The following NID1 variants were observed in gnomAD, a reference collection of about 807,000 sequenced individuals.
The protein encoded by NID1 is nidogen 1, also known as nidogen-1.
In NID1, 76 loss-of-function variants were observed where a neutral mutation model predicts 130.6. That is an observed-to-expected ratio of 0.58 (90% CI 0.48 to 0.70). The LOEUF (loss-of-function observed/expected upper bound fraction) is 0.70, where lower values mean the gene tolerates loss of function less well. Among genes scored for constraint, NID1 ranks in the 30% least tolerant of loss-of-function variants. The pLI is 0.00. For synonymous variants in NID1, 665 were observed against 675.1 expected (o/e 0.98, Z 0.23); for missense variants, 1,517 against 1,664.8 (o/e 0.91, Z 1.54).
At chr1:236,037,143 G>A (rs1443813831) in intron 5 of NID1, among the ~76,000 whole-genome samples, 1 of 152,200 alleles carries the variant, frequency 6.6e-6, no homozygotes, top group African/African-American at 2.4e-5. Context: ...CCTTTTGAGG[G>A]CAGAGTTTAG....
At chr1:236,064,764 G>C (rs753974827) in intron 1 of NID1, 91 bp downstream of exon 1, 43 of 1,269,072 alleles carry the variant, frequency 3.4e-5, no homozygotes, top group Non-Finnish European at 4.2e-5. Context: ...CCGGGTCCCC[G>C]CCTGCTACGC....
intron 5 of NID1, among the ~76,000 whole-genome samples, chr1:236,034,723 T>C (rs941978609): frequency 1.3e-5 from 2 of 152,142 alleles, no homozygotes; most frequent in African/African-American, 4.8e-5. Context: ...ATAGAGGTAA[T>C]AGTTGGACAA....
At chr1:236,007,969 A>C (rs1658296894) in intron 12 of NID1, among the ~76,000 whole-genome samples, 1 of 152,150 alleles carries the variant, frequency 6.6e-6, no homozygotes, top group African/African-American at 2.4e-5. Context: ...AACAGATTTT[A>C]CTCAGCATCC....
Position 236,015,555 on chromosome 1 carries a change from G to A in NID1, c.2254+1593C>T, listed in dbSNP as rs541280684. Among the ~76,000 whole-genome samples the A allele has an allele frequency of 6.7e-5, 10 of 149,196 alleles. 1 individual carries two copies. In the East Asian group the frequency reaches 2.0e-3, roughly 29 times the overall value. On this transcript the variant is annotated intron_variant, in intron 10 of 19. Transcript: ENST00000264187. ...CCAGCTACTTGGGAGACTGAGGCAGGAGAATCTCTTGAACCCAGGAGGCAG... is the reference window on the plus strand; with the variant it reads ...CCAGCTACTTGGGAGACTGAGGCAGAAGAATCTCTTGAACCCAGGAGGCAG...
At chr1:236,037,527 G>A (rs996870635) in intron 5 of NID1, among the ~76,000 whole-genome samples, 4 of 152,004 alleles carry the variant, frequency 2.6e-5, no homozygotes, top group Admixed American at 6.6e-5. Flanking sequence ...GTTTGGTGGC[G>A]CACATCTGTA....
At chr1:236,037,954 A>G in intron 5 of NID1, 150 bp downstream of exon 5, 1 of 903,928 alleles carries the variant, frequency 1.1e-6, no homozygotes, top group Non-Finnish European at 1.6e-6. Flanking sequence ...TACGAGAAAA[A>G]ATGAGGAAAG....
At chr1:236,013,659 C>T in intron 10 of NID1, 99 bp from the exon 11 acceptor site, 1 of 1,363,934 alleles carries the variant, frequency 7.3e-7, no homozygotes, top group Non-Finnish European at 1.0e-6. Flanking sequence ...TGCCTGGACC[C>T]TAGACCTCTA....
rs1190006951 is a variant in NID1, at chr1:236,057,687, G to GA, written c.225+7167dup. Among the ~76,000 whole-genome samples, 3 of 148,788 alleles carry GA rather than the reference G, an allele frequency of 2.0e-5. No individual in the cohort carries two copies. The East Asian group carries it at 5.9e-4, about 29-fold the overall frequency. On this transcript the variant is annotated intron_variant, in intron 1 of 19. Coordinates refer to ENST00000264187, the MANE Select transcript of NID1 (RefSeq NM_002508.3). Reference sequence around the variant, plus strand: ...CACTCCAGCCTGGGCAACAGAGTAAGACTGAAAGAAAGAAGGAAAGAAAGA... The same window carrying GA: ...CACTCCAGCCTGGGCAACAGAGTAAGAACTGAAAGAAAGAAGGAAAGAAAGA...
intron 5 of NID1, among the ~76,000 whole-genome samples, chr1:236,034,968 G>GTT (rs1433268048): frequency 8.2e-6 from 1 of 122,636 alleles, no homozygotes; most frequent in African/African-American, 4.6e-5. Flanking sequence ...TCTCGGCAGA[G>GTT]TTTTCTTTTT....
chr1:236,020,890 T>C (rs1478283001), intron 9 of NID1, among the ~76,000 whole-genome samples: 1 of 152,154 alleles, frequency 6.6e-6, no homozygotes, highest in African/African-American at 2.4e-5. Flanking sequence ...ACCACCTGTC[T>C]TTCTGGACAA....
chr1:236,043,785 A>G (rs970863600), intron 3 of NID1, among the ~76,000 whole-genome samples: 2 of 152,074 alleles, frequency 1.3e-5, no homozygotes, highest in Non-Finnish European at 2.9e-5. Flanking sequence ...GCGACAGAGC[A>G]AGACTCCATC....
intron 12 of NID1, among the ~76,000 whole-genome samples, chr1:236,010,817 C>T (rs1048132622): frequency 6.6e-6 from 1 of 152,250 alleles, no homozygotes; most frequent in African/African-American, 2.4e-5. Flanking sequence ...ACGATATATG[C>T]TACTATACAT....
At chr1:236,050,916 A>G (rs576352033) in intron 1 of NID1, among the ~76,000 whole-genome samples, 9 of 150,116 alleles carry the variant, frequency 6.0e-5, no homozygotes, top group African/African-American at 2.3e-4. Flanking sequence ...CGTCTCTACT[A>G]AAAATACAAA....
chr1:236,013,425 C>T lies in NID1; in HGVS notation c.2390G>A (p.Gly797Asp), dbSNP rs867813207. ...CSCLPGFSGD[G>D]QACQDVDECQ... ...CAACCACACACCTTGGCAGGCTTGGCCATCCCCAGAAAAGCCTGGCAAGCA... is the reference window on the plus strand; with the variant it reads ...CAACCACACACCTTGGCAGGCTTGGTCATCCCCAGAAAAGCCTGGCAAGCA... The change falls in exon 11 of 20, where the codon GGC becomes GAC. Residue 797 changes from glycine (G) to aspartate (D), a missense_variant. By Grantham distance (94) the Gly-to-Asp change is moderately conservative. This residue lies in a region of NID1 where 1,329 missense variants were observed against 1,429.2 expected (regional missense o/e 0.93). Transcript: ENST00000264187. 1 of 1,613,772 alleles carries T rather than the reference C, an allele frequency of 6.2e-7. No homozygotes were observed. The highest frequency in any genetic ancestry group is 8.5e-7 in the Non-Finnish European group (1 of 1,179,988).
intron 4 of NID1, among the ~76,000 whole-genome samples, chr1:236,039,472 A>T (rs1659383885): frequency 6.6e-6 from 1 of 152,062 alleles, no homozygotes; most frequent in Non-Finnish European, 1.5e-5. Context: ...TCAAAAGCTG[A>T]ACAAAAATAA....
At chr1:236,003,107 G>GTAGTTGTCACTCCTAGTGAACGAGTA (rs1558428625) in intron 12 of NID1, among the ~76,000 whole-genome samples, 2 of 128,004 alleles carry the variant, frequency 1.6e-5, no homozygotes, top group Non-Finnish European at 3.4e-5. Flanking sequence ...GTGAACGACT[G>GTAGTTGTCACTCCTAGTGAACGAGTA]GTAGTTGTCA....
intron 7 of NID1, 132 bp from the exon 8 acceptor site, chr1:236,026,273 A>T (rs1230041619): frequency 9.3e-7 from 1 of 1,076,948 alleles, no homozygotes; most frequent in African/African-American, 1.6e-5. Context: ...CAGATGACAG[A>T]CCAGACAGAA....
chr1:236,000,898 G>A (rs967302169), intron 12 of NID1, among the ~76,000 whole-genome samples: 1 of 152,128 alleles, frequency 6.6e-6, no homozygotes, highest in South Asian at 2.1e-4. Flanking sequence ...ACATGCAACC[G>A]TGGGAGAACC....
chr1:236,058,812 G>A (rs151222963), intron 1 of NID1, among the ~76,000 whole-genome samples: 192 of 152,300 alleles, frequency 1.3e-3, no homozygotes, highest in African/African-American at 4.4e-3. Flanking sequence ...ACTTGAGGTA[G>A]AAACAAATAA....
Sources: allele counts gnomAD v4.1 joint callset (sites outside exome capture counted in the v4.1 genomes callset), GRCh38; gene constraint gnomAD v4.1.1; regional missense constraint gnomAD v4.1.1; transcripts MANE v1.5; gene names NCBI Gene and HGNC (gene_info 2026-07-23, HGNC 2026-07-21).